The following DNAJB5 variants were observed in gnomAD, a reference collection of about 807,000 sequenced individuals.
The protein encoded by DNAJB5 is DnaJ heat shock protein family (Hsp40) member B5.
DNAJB5 carries 12 observed loss-of-function variants against 32.6 expected under a neutral mutation model. The ratio of observed to expected loss-of-function variants is 0.37; its 90% CI spans 0.24 to 0.60. DNAJB5 has a LOEUF of 0.60. Ranked by LOEUF, DNAJB5 falls within the 20% of genes least tolerant of loss-of-function variation. The pLI, the probability that DNAJB5 is intolerant of heterozygous loss-of-function variation, is 0.71. For synonymous variants in DNAJB5, 188 were observed against 212.9 expected (o/e 0.88, Z 1.02); for missense variants, 358 against 554.2 (o/e 0.65, Z 3.55).
chr9:34,991,073 A>C, intron 2 of DNAJB5: 1 of 529,004 alleles, frequency 1.9e-6, no homozygotes, highest in Admixed American at 3.2e-5. Flanking sequence ...TCAACCCATC[A>C]TTAACCCATT....
chr9:34,991,723 C>G, intron 2 of DNAJB5: 1 of 279,118 alleles, frequency 3.6e-6, no homozygotes, highest in South Asian at 3.0e-5. Context: ...CCCCACCCCC[C>G]ACCCCATCTC....
In DNAJB5 at chr9:34,990,177, C is replaced by A. The variant is rs999559465; in HGVS notation, c.-132-322C>A. The A allele has an allele frequency of 8.8e-7, 1 of 1,138,628 alleles. No individual in the cohort carries two copies. Among genetic ancestry groups the A allele is most frequent in the Non-Finnish European group, 1.2e-6 (1 of 861,642 alleles). The allele number at this position is 1,138,628 out of a possible 1,614,324, so 70.5% of individuals were successfully genotyped here. A position where few individuals can be genotyped will look rare whatever the true frequency, so the allele number is the denominator to read the frequency against. On this transcript the variant is annotated intron_variant, in intron 1 of 4. Transcript: ENST00000682809. This position sits in a 1 kb window ranked among gnomAD's most constrained non-coding sequence, Gnocchi z 4.5. ...GAGCCCCCTCCCCTCCTCTCCTCGC[C>A]GCGCCTTTTGTCCCGGCCGAGCTCC... is the stretch of plus-strand genomic sequence containing the variant.
intron 2 of DNAJB5, chr9:34,991,679 C>CCA (rs1407485720): frequency 7.6e-6 from 2 of 264,244 alleles, no homozygotes; most frequent in Admixed American, 5.0e-5. Context: ...CCCCCCCCCC[C>CCA]AACGAGGTGC....
In DNAJB5 at chr9:34,990,728, A is replaced by G; in HGVS notation, c.98A>G (p.Asp33Gly). 6.4e-7 allele frequency: 1 copy of G among 1,551,614 alleles called. No homozygotes were observed. The highest frequency in any genetic ancestry group is 8.7e-7 in the Non-Finnish European group (1 of 1,146,944). Residue 33 changes from aspartate to glycine, a missense_variant, in exon 2 of 5, where the codon GAC (aspartate) becomes GGC (glycine). Physicochemically the swap from Asp to Gly is moderately conservative, Grantham distance 94. Around this residue, in one of 2 missense-constraint regions of DNAJB5, gnomAD observed 110 missense variants for 111.7 expected, o/e 0.99. Coordinates refer to ENST00000682809, the MANE Select transcript of DNAJB5 (RefSeq NM_001349723.3). The surrounding 1 kb of genome is among the most constrained non-coding windows in gnomAD (Gnocchi z 4.5). ...FRSFPHSWGE[D>G]FLASLMFKIQ... is the part of the protein sequence containing the mutation. ...AGCTTCCCACACTCCTGGGGAGAAG[A>G]CTTCTTAGCCAGCTTGATGTTTAAA...
In DNAJB5 at chr9:34,993,490, T is replaced by C. The variant is rs1364086102; in HGVS notation, c.427+46T>C. 1 of 1,577,490 alleles carries C rather than the reference T, an allele frequency of 6.3e-7. No homozygotes were observed. Among genetic ancestry groups the C allele is most frequent in the Middle Eastern group, 2.0e-4 (1 of 4,882 alleles). Reference sequence around the variant, plus strand: ...CCCAATCCCGGACCCCTCCGCTTGGTAGGGGTCCCAGGTGCACCAGTTTGT... The same window carrying C: ...CCCAATCCCGGACCCCTCCGCTTGGCAGGGGTCCCAGGTGCACCAGTTTGT... On this transcript the variant is annotated intron_variant, in intron 3 of 4. Coordinates refer to ENST00000682809, the MANE Select transcript of DNAJB5 (RefSeq NM_001349723.3). This position sits in a 1 kb window ranked among gnomAD's most constrained non-coding sequence, Gnocchi z 4.7.
In DNAJB5 at chr9:34,993,041, T is replaced by C; in HGVS notation, c.183-159T>C. ...GTCAGAGCCAGAAGAGATCATCTAGTCCAAACCTTTCATTTTACAGATGGG... is the reference window on the plus strand; with the variant it reads ...GTCAGAGCCAGAAGAGATCATCTAGCCCAAACCTTTCATTTTACAGATGGG... On this transcript the variant is annotated intron_variant, in intron 2 of 4. Transcript: ENST00000682809. This position sits in a 1 kb window ranked among gnomAD's most constrained non-coding sequence, Gnocchi z 4.7. 6.9e-7 allele frequency: 1 copy of C among 1,439,440 alleles called. No individual in the cohort carries two copies. The highest frequency in any genetic ancestry group is 2.5e-4 in the Middle Eastern group (1 of 3,926). 89.2% of individuals were successfully genotyped at this position (1,439,440 alleles called of 1,614,324 possible). A position where few individuals can be genotyped will look rare whatever the true frequency, so the allele number is the denominator to read the frequency against.
chr9:34,998,450 A>C (rs1827863353), downstream of DNAJB5: 1 of 152,386 alleles, frequency 6.6e-6, no homozygotes, highest in Admixed American at 6.5e-5. Context: ...CAGGAGCAAC[A>C]AACCTGGGAT....
Position 34,997,122 on chromosome 9 carries a change from C to T in DNAJB5, c.1126C>T (p.Leu376Phe). 1 of 1,614,198 alleles carries T rather than the reference C, an allele frequency of 6.2e-7. No individual in the cohort carries two copies. Among genetic ancestry groups the T allele is most frequent in the Non-Finnish European group, 8.5e-7 (1 of 1,180,046 alleles). ...CATCAAGCCAGGCACCGTGAAGAGA[C>T]TCCGTGGGGAGGGCCTTCCCTTCCC... is the stretch of plus-strand genomic sequence containing the variant. Reference protein sequence around the residue: ...DVIKPGTVKRLRGEGLPFPKV... With the variant: ...DVIKPGTVKRFRGEGLPFPKV... The change falls in exon 5 of 5, where the codon CTC (leucine) becomes TTC (phenylalanine). Residue 376 changes from leucine (L) to phenylalanine (F), a missense_variant. Leu to Phe is a conservative substitution (Grantham distance 22, BLOSUM62 0). This residue lies in a region of DNAJB5 where 248 missense variants were observed against 442.6 expected (regional missense o/e 0.56). Coordinates refer to ENST00000682809, the MANE Select transcript of DNAJB5 (RefSeq NM_001349723.3). This position sits in a 1 kb window ranked among gnomAD's most constrained non-coding sequence, Gnocchi z 4.1.
At chr9:34,994,556 G>T (rs1459864694) in intron 3 of DNAJB5, among the ~76,000 whole-genome samples, 1 of 152,162 alleles carries the variant, frequency 6.6e-6, no homozygotes, top group Non-Finnish European at 1.5e-5. Context: ...GGGATGGGAG[G>T]GATAGGAGTG....
rs1827599240 is a variant in DNAJB5, at chr9:34,990,603, CGATCA to C, written c.-25_-21del. ...GCACTTCAGGCCGGCTCCGGTGGAGCGATCAGAGGTGAGGGGCTTGGCTGGGCATG... is the reference window on the plus strand; with the variant it reads ...GCACTTCAGGCCGGCTCCGGTGGAGCGAGGTGAGGGGCTTGGCTGGGCATG... On this transcript the variant is annotated 5_prime_UTR_variant, in exon 2 of 5. Transcript: ENST00000682809. This position sits in a 1 kb window ranked among gnomAD's most constrained non-coding sequence, Gnocchi z 4.5. 1 of 1,551,316 alleles carries C rather than the reference CGATCA, an allele frequency of 6.4e-7. No homozygotes were observed. Among genetic ancestry groups the C allele is most frequent in the Admixed American group, 2.0e-5 (1 of 50,980 alleles).
At position 34,990,657 on chromosome 9, in the gene DNAJB5, C is replaced by T; in HGVS notation, c.27C>T (p.Cys9=). The part of the protein sequence containing the change: MFKRTVLS[C]PPPAAPPLQA... ...TGTTTAAGCGCACAGTGCTCTCCTG[C>T]CCACCCCCAGCAGCACCCCCACTGC... The change falls in exon 2 of 5, where the codon TGC becomes TGT. Residue 9 remains cysteine (C), a synonymous_variant. Transcript: ENST00000682809. This position sits in a 1 kb window ranked among gnomAD's most constrained non-coding sequence, Gnocchi z 4.5. 4 of 1,551,608 alleles carry T rather than the reference C, an allele frequency of 2.6e-6. No individual in the cohort carries two copies. Among genetic ancestry groups the T allele is most frequent in the Non-Finnish European group, 3.5e-6 (4 of 1,146,956 alleles).
In DNAJB5 at chr9:34,993,205, A is replaced by C; in HGVS notation, c.188A>C (p.Lys63Thr). ...TGGCCCTGGGTTTCTTTCAGAAACAAGGAGACCAGTGCTGGTCCAGTGGCT... is the reference window on the plus strand; with the variant it reads ...TGGCCCTGGGTTTCTTTCAGAAACACGGAGACCAGTGCTGGTCCAGTGGCT... ...TLNGFVKFRN[K>T]ETSAGPVAVM... Residue 63 changes from lysine (K) to threonine (T), a missense_variant, in exon 3 of 5, where the codon AAG (lysine) becomes ACG (threonine). By Grantham distance (78) the Lys-to-Thr change is moderately conservative (BLOSUM62 -1). This residue lies in a region of DNAJB5 where 110 missense variants were observed against 111.7 expected (regional missense o/e 0.99). Transcript: ENST00000682809. The surrounding 1 kb of genome is among the most constrained non-coding windows in gnomAD (Gnocchi z 4.7). 1.2e-6 allele frequency: 2 copies of C among 1,610,244 alleles called. No homozygotes were observed. Among genetic ancestry groups the C allele is most frequent in the Non-Finnish European group, 1.7e-6 (2 of 1,178,752 alleles).
chr9:34,995,377 T>G (rs912390314), intron 3 of DNAJB5, among the ~76,000 whole-genome samples: 1 of 152,002 alleles, frequency 6.6e-6, no homozygotes, highest in Non-Finnish European at 1.5e-5. Flanking sequence ...CAGCACCCCC[T>G]CCTGTGCATG....
Position 34,997,751 on chromosome 9 carries a change from A to C in DNAJB5, c.*492A>C, listed in dbSNP as rs1480657037. The C allele has an allele frequency of 7.0e-6, 2 of 287,752 alleles. No homozygotes were observed. The highest frequency in any genetic ancestry group is 7.0e-5 in the South Asian group (2 of 28,560). 17.8% of individuals were successfully genotyped at this position (287,752 alleles called of 1,614,324 possible). A position where few individuals can be genotyped will look rare whatever the true frequency, so the allele number is the denominator to read the frequency against. On this transcript the variant is annotated 3_prime_UTR_variant, in exon 5 of 5. Coordinates refer to ENST00000682809, the MANE Select transcript of DNAJB5 (RefSeq NM_001349723.3). This position sits in a 1 kb window ranked among gnomAD's most constrained non-coding sequence, Gnocchi z 4.1. ...AATGGCACACATATTCATGCACAAG[A>C]AGCACTCACCTAGAGCTGTCTGTGC... is the stretch of plus-strand genomic sequence containing the variant.
rs757769786 is a variant in DNAJB5, at chr9:34,996,752, C to A, written c.915C>A (p.Ala305=). ...TKITFPKEGD[A]TPDNIPADIV... is the part of the protein sequence containing the mutation. The stretch of plus-strand genomic sequence containing the variant: ...TCACCTTCCCCAAAGAAGGCGACGC[C>A]ACACCTGACAACATCCCTGCTGACA... The change falls in exon 4 of 5, where the codon GCC becomes GCA. Residue 305 remains alanine, a synonymous_variant. Coordinates refer to ENST00000682809, the MANE Select transcript of DNAJB5 (RefSeq NM_001349723.3). This position sits in a 1 kb window ranked among gnomAD's most constrained non-coding sequence, Gnocchi z 7.2. 3 of 1,614,116 alleles carry A rather than the reference C, an allele frequency of 1.9e-6. No individual in the cohort carries two copies. The South Asian group carries it at 3.3e-5, about 18-fold the overall frequency.
chr9:34,991,003 C>A, intron 2 of DNAJB5, 191 bp downstream of exon 2: 1 of 620,686 alleles, frequency 1.6e-6, no homozygotes, highest in Non-Finnish European at 2.8e-6. Flanking sequence ...TCAAACCCTT[C>A]AGGTATCCAT....
At position 34,995,106 on chromosome 9, in the gene DNAJB5, T is replaced by C. The variant is rs943963149; in HGVS notation, c.428-1159T>C. Reference sequence around the variant, plus strand: ...ATAGAAGGAAAGGAGAGATCCTAGGTCTTGGGGGAGGGGTGAAGAGGCAGC... The same window carrying C: ...ATAGAAGGAAAGGAGAGATCCTAGGCCTTGGGGGAGGGGTGAAGAGGCAGC... On this transcript the variant is annotated intron_variant, in intron 3 of 4. Transcript: ENST00000682809. Among the ~76,000 whole-genome samples, 3 of 151,966 alleles carry C rather than the reference T, an allele frequency of 2.0e-5. 1 individual carries two copies. Among genetic ancestry groups the C allele is most frequent in the Non-Finnish European group, 4.4e-5 (3 of 67,986 alleles).
At chr9:34,992,725 T>C in intron 2 of DNAJB5, 1 of 944,280 alleles carries the variant, frequency 1.1e-6, no homozygotes, top group Non-Finnish European at 1.3e-6. Flanking sequence ...CCCAGGCCTG[T>C]TCCCGGTCCT....
rs1202859057 is a variant in DNAJB5, at chr9:34,993,786, G to T, written c.427+342G>T. On this transcript the variant is annotated intron_variant, in intron 3 of 4. Coordinates refer to ENST00000682809, the MANE Select transcript of DNAJB5 (RefSeq NM_001349723.3). The surrounding 1 kb of genome is among the most constrained non-coding windows in gnomAD (Gnocchi z 4.7). ...GGCTGATGAGGAAGGTTGGGGAGAG[G>T]GAGTGTGTGGCTCTCTGAGGACAGA... Among the ~76,000 whole-genome samples, 1 of 152,206 alleles carries T rather than the reference G, an allele frequency of 6.6e-6. No homozygotes were observed. Among genetic ancestry groups the T allele is most frequent in the East Asian group, 1.9e-4 (1 of 5,194 alleles).
Sources: gnomAD v4.1 joint callset for allele counts (sites outside exome capture counted in the v4.1 genomes callset) on GRCh38, gnomAD v4.1.1 for gene constraint, gnomAD v4.1.1 regional missense constraint, Gnocchi (gnomAD v3.1) non-coding constraint, MANE v1.5 for transcripts, NCBI Gene and HGNC (gene_info 2026-07-23, HGNC 2026-07-21) for gene names.